Variants in UGT1A9 observed in about 807,000 individuals in gnomAD.
The protein encoded by UGT1A9 is UDP glucuronosyltransferase family 1 member A9, also known as UDP-glucuronosyltransferase 1A9.
A neutral mutation model predicts 45.0 loss-of-function variants in UGT1A9; 35 were observed. The ratio of observed to expected loss-of-function variants is 0.78; its 90% confidence interval spans 0.59 to 1.03. The LOEUF (loss-of-function observed/expected upper bound fraction) is 1.03. Ranked by LOEUF, UGT1A9 falls within the 50% of genes least tolerant of loss-of-function variation. The probability of loss-of-function intolerance (pLI) is 0.00; values close to 1 mark genes in which losing one functional copy is unlikely to be tolerated. For missense variants in UGT1A9, 687 were observed against 666.6 expected (o/e 1.03, Z -0.34); for synonymous variants, 278 against 250.6 (o/e 1.11, Z -1.03).
At position 233,769,453 on chromosome 2, in the gene UGT1A9, GCATT is replaced by G; in HGVS notation, c.1295+1018_1295+1021del. The G allele has an allele frequency of 6.3e-7, 1 of 1,591,058 alleles. No homozygotes were observed. Among genetic ancestry groups the G allele is most frequent in the Non-Finnish European group, 8.6e-7 (1 of 1,161,716 alleles). Reference sequence around the variant, plus strand: ...TGCTCATGTGTGGGTGCACACGTGTGCATTCATATGCGTGTGTGTGTGTGTGCGT... The same window carrying G: ...TGCTCATGTGTGGGTGCACACGTGTGCATATGCGTGTGTGTGTGTGTGCGT... On this transcript the variant is annotated intron_variant, in intron 4 of 4. Coordinates refer to ENST00000354728, the MANE Select transcript of UGT1A9 (RefSeq NM_021027.3). This position sits in a 1 kb window ranked among gnomAD's most constrained non-coding sequence, Gnocchi z 4.4.
intron 1 of UGT1A9, among the ~76,000 whole-genome samples, chr2:233,756,708 C>T (rs1399163610): frequency 6.6e-6 from 1 of 151,990 alleles, no homozygotes; most frequent in Admixed American, 6.6e-5. Flanking sequence ...TTTGGGGGGA[C>T]TTTTTTTGAG....
At chr2:233,708,809 C>G (rs1241028873) in intron 1 of UGT1A9, 1 of 151,950 alleles carries the variant, frequency 6.6e-6, no homozygotes, top group African/African-American at 2.4e-5. Flanking sequence ...GGCAACTTCC[C>G]CAAATTCTTG....
At chr2:233,710,958 T>C (rs2076155370) in intron 1 of UGT1A9, among the ~76,000 whole-genome samples, 1 of 152,220 alleles carries the variant, frequency 6.6e-6, no homozygotes, top group Non-Finnish European at 1.5e-5. Context: ...GTCTCTGAGA[T>C]TGGCAGAGGG....
chr2:233,709,539 A>G (rs537926734), intron 1 of UGT1A9, among the ~76,000 whole-genome samples: 8 of 152,276 alleles, frequency 5.3e-5, no homozygotes, highest in Non-Finnish European at 5.9e-5. Flanking sequence ...CTACTGTGAT[A>G]TATGTAAGTA....
chr2:233,719,531 G>A (rs377261801), intron 1 of UGT1A9: 2 of 1,613,928 alleles, frequency 1.2e-6, no homozygotes, highest in Admixed American at 1.7e-5. Flanking sequence ...TTGCCTCTGA[G>A]CTTTTTCAGA....
chr2:233,772,849 C>T lies in UGT1A9; in HGVS notation c.*290C>T, dbSNP rs1021003584. The T allele has an allele frequency of 7.7e-6, 6 of 777,596 alleles. No individual in the cohort carries two copies. In the African/African-American group the frequency reaches 8.9e-5, roughly 11 times the overall value. 48.2% of individuals were successfully genotyped at this position (777,596 alleles called of 1,614,324 possible). On this transcript the variant is annotated 3_prime_UTR_variant, in exon 5 of 5. Transcript: ENST00000354728. ...CTGGCATTCTAGATTACTTTTCTTACTCTGAAACATGGCCTGTTTGGGAGT... is the reference window on the plus strand; with the variant it reads ...CTGGCATTCTAGATTACTTTTCTTATTCTGAAACATGGCCTGTTTGGGAGT...
intron 1 of UGT1A9, chr2:233,718,661 A>C: frequency 6.5e-7 from 1 of 1,533,598 alleles, no homozygotes; most frequent in Non-Finnish European, 8.8e-7. Flanking sequence ...AAAGGCAGTT[A>C]TAGATTAATG....
At chr2:233,691,124 A>T (rs1305698863) in intron 1 of UGT1A9, 1 of 985,838 alleles carries the variant, frequency 1.0e-6, no homozygotes, top group African/African-American at 1.7e-5. Context: ...TGCTTAAGCC[A>T]TTCTTCCTCT....
chr2:233,713,899 A>G, intron 1 of UGT1A9: 3 of 1,613,038 alleles, frequency 1.9e-6, no homozygotes, highest in Non-Finnish European at 2.5e-6. Flanking sequence ...TTCCAGGCAA[A>G]ACACTTTTTA....
intron 1 of UGT1A9, among the ~76,000 whole-genome samples, chr2:233,695,578 A>G (rs1303216360): frequency 6.6e-6 from 1 of 150,450 alleles, no homozygotes; most frequent in Non-Finnish European, 1.5e-5. Context: ...CCCCTTCCCT[A>G]CTTACCCTTT....
At chr2:233,681,536 A>G (rs1440525559) in intron 1 of UGT1A9, among the ~76,000 whole-genome samples, 1 of 150,290 alleles carries the variant, frequency 6.7e-6, no homozygotes, top group Non-Finnish European at 1.5e-5. Flanking sequence ...ATCTCAAAAA[A>G]AAAAAAAAAA....
chr2:233,713,502 T>C lies in UGT1A9; in HGVS notation c.855+40713T>C. The C allele has an allele frequency of 6.2e-7, 1 of 1,613,988 alleles. No homozygotes were observed. The highest frequency in any genetic ancestry group is 8.5e-7 in the Non-Finnish European group (1 of 1,179,898). On this transcript the variant is annotated intron_variant, in intron 1 of 4. Coordinates refer to ENST00000354728, the MANE Select transcript of UGT1A9 (RefSeq NM_021027.3). ...TAAGTACCTGTCGATTCCTGCTGTG[T>C]TTTTCTTGAGGAACATTCCATGTGA...
At position 233,768,309 on chromosome 2, in the gene UGT1A9, C is replaced by T. The variant is rs1286993592; in HGVS notation, c.1165C>T (p.Pro389Ser). 15 of 1,614,122 alleles carry T rather than the reference C, an allele frequency of 9.3e-6. No homozygotes were observed. The highest frequency in any genetic ancestry group is 1.3e-5 in the Non-Finnish European group (15 of 1,180,034). Reference protein sequence around the residue: ...ICNGVPMVMMPLFGDQMDNAK... With the variant: ...ICNGVPMVMMSLFGDQMDNAK... ...CAATGGCGTTCCCATGGTGATGATG[C>T]CCTTGTTTGGTGATCAGATGGACAA... Residue 389 changes from proline to serine, a missense_variant, in exon 4 of 5, where the codon CCC becomes TCC. Physicochemically the swap from Pro to Ser is moderately conservative, Grantham distance 74 (BLOSUM62 -1). Coordinates refer to ENST00000354728, the MANE Select transcript of UGT1A9 (RefSeq NM_021027.3).
At chr2:233,749,855 C>G (rs1694286489) in intron 1 of UGT1A9, among the ~76,000 whole-genome samples, 1 of 151,986 alleles carries the variant, frequency 6.6e-6, no homozygotes, top group Non-Finnish European at 1.5e-5. Flanking sequence ...GCCTCTCTCT[C>G]ACTTTCTGCC....
At chr2:233,682,789 T>C (rs2074599718) in intron 1 of UGT1A9, 1 of 1,611,570 alleles carries the variant, frequency 6.2e-7, no homozygotes, top group Non-Finnish European at 8.5e-7. Context: ...AGCCAGTGCC[T>C]ATGGTAAGTT....
At chr2:233,712,231 G>A (rs2076220383) in intron 1 of UGT1A9, among the ~76,000 whole-genome samples, 1 of 152,202 alleles carries the variant, frequency 6.6e-6, no homozygotes, top group African/African-American at 2.4e-5. Context: ...AACCCACCAT[G>A]GGTCTTTGCT....
At chr2:233,711,402 C>A (rs1267676385) in intron 1 of UGT1A9, among the ~76,000 whole-genome samples, 1 of 152,222 alleles carries the variant, frequency 6.6e-6, no homozygotes, top group African/African-American at 2.4e-5. Flanking sequence ...CCACCCTCAC[C>A]CCGGGCTCAT....
chr2:233,767,888 G>A lies in UGT1A9; in HGVS notation c.1027G>A (p.Ala343Thr), dbSNP rs771899094. 2 of 1,614,028 alleles carry A rather than the reference G, an allele frequency of 1.2e-6. No individual in the cohort carries two copies. The highest frequency in any genetic ancestry group is 3.3e-5 in the Admixed American group (2 of 60,002). The stretch of plus-strand genomic sequence containing the variant: ...CACTGGAACCCGACCATCGAATCTT[G>A]CGAACAACACGATACTTGTTAAGTG... ...RYTGTRPSNL[A>T]NNTILVKWLP... Residue 343 changes from alanine to threonine, a missense_variant, in exon 3 of 5, where the codon GCG becomes ACG. By Grantham distance (58) the Ala-to-Thr change is moderately conservative. Transcript: ENST00000354728.
intron 1 of UGT1A9, among the ~76,000 whole-genome samples, chr2:233,695,536 C>CT (rs1487620347): frequency 1.3e-5 from 2 of 148,342 alleles, no homozygotes; most frequent in African/African-American, 5.0e-5. Flanking sequence ...TTTTCTTTTT[C>CT]TTTTTTAAAT....
Sources: allele counts gnomAD v4.1 joint callset (sites outside exome capture counted in the v4.1 genomes callset), GRCh38; gene constraint gnomAD v4.1.1; non-coding constraint Gnocchi (gnomAD v3.1); transcripts MANE v1.5; gene names NCBI Gene and HGNC (gene_info 2026-07-23, HGNC 2026-07-21).